UNC5C: variants seen among roughly 807,000 people sequenced by gnomAD.
The protein encoded by UNC5C is unc-5 netrin receptor C, also known as netrin receptor UNC5C.
UNC5C carries 47 observed loss-of-function variants against 99.8 expected under a neutral mutation model. The ratio of observed to expected loss-of-function variants is 0.47; its 90% confidence interval spans 0.37 to 0.60. UNC5C has a LOEUF of 0.60. Among genes scored for constraint, UNC5C ranks in the 20% least tolerant of loss-of-function variants. The pLI is 0.00. For missense variants in UNC5C, 1,062 were observed against 1,165.9 expected (o/e 0.91, Z 1.30); for synonymous variants, 487 against 452.2 (o/e 1.08, Z -0.98).
In UNC5C at chr4:95,216,421, C is replaced by G. The variant is rs78247390; in HGVS notation, c.1646-210G>C. ...GCAATTACTTAAAGGAATGATGTAACTTTTTAAACTCTTGTTTTATTTGAG... is the reference window on the plus strand; with the variant it reads ...GCAATTACTTAAAGGAATGATGTAAGTTTTTAAACTCTTGTTTTATTTGAG... On this transcript the variant is annotated intron_variant, in intron 9 of 15. Coordinates refer to ENST00000453304, the MANE Select transcript of UNC5C (RefSeq NM_003728.4). 2.9e-3 allele frequency among the ~76,000 whole-genome samples: 445 copies of G among 152,266 alleles called. 4 individuals carry two copies. Among genetic ancestry groups the G allele is most frequent in the African/African-American group, 0.01 (416 of 41,552 alleles).
At chr4:95,453,308 G>C (rs1747327375) in intron 1 of UNC5C, among the ~76,000 whole-genome samples, 1 of 152,024 alleles carries the variant, frequency 6.6e-6, no homozygotes, top group African/African-American at 2.4e-5. Context: ...TTACCAATTA[G>C]ATAATAATAC....
chr4:95,438,760 T>G (rs1364434342), intron 1 of UNC5C, among the ~76,000 whole-genome samples: 2 of 152,186 alleles, frequency 1.3e-5, no homozygotes, highest in Non-Finnish European at 2.9e-5. Context: ...TTCTATGAAA[T>G]GTACCAGAAT....
At chr4:95,339,434 A>G (rs1156743971) in intron 1 of UNC5C, among the ~76,000 whole-genome samples, 1 of 152,028 alleles carries the variant, frequency 6.6e-6, no homozygotes, top group African/African-American at 2.4e-5. Context: ...AGTACCTTCA[A>G]TTCAATTAAT....
At chr4:95,190,795 G>A (rs1404116281) in intron 12 of UNC5C, among the ~76,000 whole-genome samples, 1 of 152,158 alleles carries the variant, frequency 6.6e-6, no homozygotes, top group African/African-American at 2.4e-5. Flanking sequence ...GAGCAATCCT[G>A]TGGGAGGGCC....
At position 95,190,104 on chromosome 4, in the gene UNC5C, A is replaced by ATGAT. The variant is rs759420762; in HGVS notation, c.2137-4912_2137-4909dup. Among the ~76,000 whole-genome samples, 115 of 152,354 alleles carry ATGAT rather than the reference A, an allele frequency of 7.5e-4. No homozygotes were observed. In the Middle Eastern group the frequency reaches 0.017, roughly 23 times the overall value. Reference sequence around the variant, plus strand: ...TTGGAACCAACCCAAATGCCCATCAATGATAGACTGAATAAAGAAAATGTG... The same window carrying ATGAT: ...TTGGAACCAACCCAAATGCCCATCAATGATTGATAGACTGAATAAAGAAAATGTG... On this transcript the variant is annotated intron_variant, in intron 12 of 15. Coordinates refer to ENST00000453304, the MANE Select transcript of UNC5C (RefSeq NM_003728.4).
chr4:95,432,876 TC>T (rs1746671312), intron 1 of UNC5C, among the ~76,000 whole-genome samples: 1 of 152,088 alleles, frequency 6.6e-6, no homozygotes, highest in Admixed American at 6.6e-5. Context: ...AGCAATCTGC[TC>T]CACAGCCTTC....
At position 95,219,220 on chromosome 4, in the gene UNC5C, A is replaced by C; in HGVS notation, c.1394T>G (p.Met465Arg). ...TGGATCCAGAATTGGAGAGTTGGTCATTGGGATTTTGTCTGAGACGTCATG... is the reference window on the plus strand; with the variant it reads ...TGGATCCAGAATTGGAGAGTTGGTCCTTGGGATTTTGTCTGAGACGTCATG... ...ALHDVSDKIP[M>R]TNSPILDPLP... The change falls in exon 9 of 16, where the codon ATG becomes AGG. Residue 465 changes from methionine (M) to arginine (R), a missense_variant. By Grantham distance (91) the Met-to-Arg change is moderately conservative (BLOSUM62 -1). Coordinates refer to ENST00000453304, the MANE Select transcript of UNC5C (RefSeq NM_003728.4). 1 of 1,614,210 alleles carries C rather than the reference A, an allele frequency of 6.2e-7. No homozygotes were observed. The highest frequency in any genetic ancestry group is 8.5e-7 in the Non-Finnish European group (1 of 1,180,016).
intron 10 of UNC5C, among the ~76,000 whole-genome samples, chr4:95,214,710 TTA>T (rs1335518366): frequency 2.6e-5 from 4 of 152,230 alleles, no homozygotes; most frequent in African/African-American, 9.6e-5. Flanking sequence ...AAGCCAATAC[TTA>T]TTTCTATTTA....
intron 1 of UNC5C, among the ~76,000 whole-genome samples, chr4:95,545,171 G>T (rs929441762): frequency 6.6e-6 from 1 of 152,144 alleles, no homozygotes; most frequent in Admixed American, 6.5e-5. Context: ...GGAGGTGTTC[G>T]AGGACCCTGT....
intron 1 of UNC5C, among the ~76,000 whole-genome samples, chr4:95,448,077 G>A (rs959675492): frequency 6.6e-6 from 1 of 151,992 alleles, no homozygotes; most frequent in Non-Finnish European, 1.5e-5. Context: ...AACATGCATC[G>A]CCACCATTTT....
chr4:95,319,421 A>T lies in UNC5C; in HGVS notation c.346+15989T>A, dbSNP rs1345376495. Among the ~76,000 whole-genome samples, 4 of 152,354 alleles carry T rather than the reference A, an allele frequency of 2.6e-5. No individual in the cohort carries two copies. In the East Asian group the frequency reaches 7.7e-4, roughly 29 times the overall value. On this transcript the variant is annotated intron_variant, in intron 2 of 15. Coordinates refer to ENST00000453304, the MANE Select transcript of UNC5C (RefSeq NM_003728.4). ...ATCAGGTTAAGCCTTTGATGAAATT[A>T]GAAATGAGTCCAAGGCTCCGTCATC...
chr4:95,318,572 C>A (rs1345837737), intron 2 of UNC5C, among the ~76,000 whole-genome samples: 1 of 152,130 alleles, frequency 6.6e-6, no homozygotes, highest in Non-Finnish European at 1.5e-5. Context: ...CAAATGCCCC[C>A]CGAATGGGTG....
At chr4:95,280,963 C>T (rs778671938) in intron 3 of UNC5C, among the ~76,000 whole-genome samples, 1 of 152,120 alleles carries the variant, frequency 6.6e-6, no homozygotes. Flanking sequence ...GATGTGGTGG[C>T]TTCTCTTGTT....
At chr4:95,461,505 T>C (rs1747598607) in intron 1 of UNC5C, among the ~76,000 whole-genome samples, 1 of 97,456 alleles carries the variant, frequency 1.0e-5, no homozygotes, top group African/African-American at 5.1e-5. Flanking sequence ...AATCAAGTAT[T>C]TACACTAATC....
chr4:95,263,403 G>T (rs1040925109), intron 4 of UNC5C, among the ~76,000 whole-genome samples: 2 of 152,112 alleles, frequency 1.3e-5, no homozygotes, highest in African/African-American at 2.4e-5. Flanking sequence ...ACAAAGGCAT[G>T]AGAGGATAGT....
intron 1 of UNC5C, among the ~76,000 whole-genome samples, chr4:95,367,978 G>C (rs1417338524): frequency 6.6e-6 from 1 of 152,170 alleles, no homozygotes; most frequent in Non-Finnish European, 1.5e-5. Flanking sequence ...ATGAAAGACA[G>C]ATATGGTGCA....
intron 10 of UNC5C, among the ~76,000 whole-genome samples, chr4:95,209,800 T>G (rs1035804371): frequency 6.6e-6 from 1 of 151,988 alleles, no homozygotes; most frequent in South Asian, 2.1e-4. Flanking sequence ...CCTTAAGGAG[T>G]GACTTTATTA....
intron 1 of UNC5C, among the ~76,000 whole-genome samples, chr4:95,510,185 T>C (rs1248594184): frequency 6.6e-6 from 1 of 152,052 alleles, no homozygotes; most frequent in African/African-American, 2.4e-5. Context: ...AATTTTAAAA[T>C]GGACAAAAGA....
At chr4:95,450,876 C>T (rs765091915) in intron 1 of UNC5C, among the ~76,000 whole-genome samples, 68 of 152,044 alleles carry the variant, frequency 4.5e-4, no homozygotes, top group Non-Finnish European at 6.6e-4. Context: ...AGGTCTGGGG[C>T]GAATGAAGAC....
Sources: allele counts gnomAD v4.1 joint callset (sites outside exome capture counted in the v4.1 genomes callset), GRCh38; gene constraint gnomAD v4.1.1; transcripts MANE v1.5; gene names NCBI Gene and HGNC (gene_info 2026-07-23, HGNC 2026-07-21).